The following RUNX1 variants were observed in gnomAD, a reference collection of about 807,000 sequenced individuals.
RUNX1 encodes the protein runt-related transcription factor 1.
A neutral mutation model predicts 42.8 loss-of-function variants in RUNX1; 19 were observed. That is an observed-to-expected ratio of 0.44 (90% CI 0.31 to 0.65). The LOEUF (loss-of-function observed/expected upper bound fraction) is 0.65. RUNX1 is among the 30% of genes least tolerant of loss of function. The pLI is 0.07. For missense variants in RUNX1, 528 were observed against 672.0 expected, an observed-to-expected ratio of 0.79 and a Z score of 2.37; for synonymous variants, 271 against 289.4, an observed-to-expected ratio of 0.94 and a Z score of 0.64.
intron 2 of RUNX1, among the ~76,000 whole-genome samples, chr21:34,994,952 C>T (rs961502636): frequency 3.3e-5 from 5 of 152,236 alleles, no homozygotes; most frequent in African/African-American, 9.6e-5. Context: ...AACGCCATTG[C>T]AGGCAAGTGT....
intron 7 of RUNX1, chr21:34,832,881 C>G (rs1050704216): frequency 4.6e-5 from 7 of 152,126 alleles, no homozygotes; most frequent in South Asian, 2.1e-4. Context: ...GGCAGCCCCC[C>G]AAAACATCAA....
In RUNX1 at chr21:35,018,366, A is replaced by C. The variant is rs537722505; in HGVS notation, c.58+30476T>G. On this transcript the variant is annotated intron_variant, in intron 2 of 8. Coordinates refer to ENST00000675419, the MANE Select transcript of RUNX1 (RefSeq NM_001754.5). ...CAAGGCCCAGCCCCTAGTATCTCAA[A>C]AGGTGAACCTGGAACAGATCCTTCC... Among the ~76,000 whole-genome samples the C allele has an allele frequency of 9.5e-4, 145 of 152,234 alleles. 1 individual carries two copies. The South Asian group carries it at 0.029, about 30-fold the overall frequency.
chr21:34,999,278 C>T (rs928533742), intron 2 of RUNX1, among the ~76,000 whole-genome samples: 22 of 152,208 alleles, frequency 1.4e-4, no homozygotes, highest in Non-Finnish European at 7.3e-5. Flanking sequence ...CAGCATAACA[C>T]GTTGTTAGCA....
At chr21:34,863,947 T>C (rs2057618122) in intron 5 of RUNX1, among the ~76,000 whole-genome samples, 1 of 152,156 alleles carries the variant, frequency 6.6e-6, no homozygotes, top group South Asian at 2.1e-4. Context: ...TACAAGGACA[T>C]TTGCTTATTA....
chr21:34,993,755 ACACACACAGGCG>A (rs1269717506), intron 2 of RUNX1, among the ~76,000 whole-genome samples: 2 of 126,850 alleles, frequency 1.6e-5, no homozygotes, highest in African/African-American at 1.0e-4. Context: ...ACACACACAG[ACACACACAGGCG>A]CACACACACA....
intron 7 of RUNX1, among the ~76,000 whole-genome samples, chr21:34,824,917 T>C (rs2056965640): frequency 6.6e-6 from 1 of 152,220 alleles, no homozygotes; most frequent in South Asian, 2.1e-4. Context: ...ACCCAAGCAG[T>C]AGCTTTCTAA....
intron 2 of RUNX1, among the ~76,000 whole-genome samples, chr21:35,023,592 G>T (rs1049246428): frequency 1.3e-5 from 2 of 152,196 alleles, no homozygotes; most frequent in African/African-American, 4.8e-5. Context: ...GGGCAGAGTA[G>T]GGCTTCCCTG....
chr21:34,880,848 G>GTTA, intron 4 of RUNX1, 135 bp from the exon 5 acceptor site: 1 of 891,638 alleles, frequency 1.1e-6, no homozygotes, highest in Non-Finnish European at 1.8e-6. Context: ...GAATAGCAAT[G>GTTA]ATAACTTAAG....
At chr21:34,839,007 C>T (rs935639792) in intron 6 of RUNX1, among the ~76,000 whole-genome samples, 7 of 152,104 alleles carry the variant, frequency 4.6e-5, no homozygotes, top group Non-Finnish European at 7.4e-5. Context: ...TCCAGTGCTA[C>T]GTAACTATGG....
At chr21:34,861,929 A>AG (rs2146250985) in intron 5 of RUNX1, among the ~76,000 whole-genome samples, 1 of 152,216 alleles carries the variant, frequency 6.6e-6, no homozygotes, top group Admixed American at 6.5e-5. Flanking sequence ...GTCTCCCAGA[A>AG]GGTGGGGACC....
intron 2 of RUNX1, among the ~76,000 whole-genome samples, chr21:35,018,495 C>G (rs2059175589): frequency 6.6e-6 from 1 of 152,136 alleles, no homozygotes; most frequent in Non-Finnish European, 1.5e-5. Context: ...GTCCTCCAGT[C>G]GGTGGTACTT....
chr21:35,003,301 G>A (rs968379457), intron 2 of RUNX1, among the ~76,000 whole-genome samples: 1 of 152,198 alleles, frequency 6.6e-6, no homozygotes, highest in Admixed American at 6.5e-5. Flanking sequence ...CTGGGTGAGA[G>A]CAAGTCTCAA....
chr21:34,900,243 G>A (rs981710877), intron 2 of RUNX1, among the ~76,000 whole-genome samples: 5 of 152,162 alleles, frequency 3.3e-5, no homozygotes, highest in Non-Finnish European at 5.9e-5. Context: ...TCAAAAGTCT[G>A]TGTGTATTTT....
chr21:35,030,738 T>C (rs1313365723), intron 2 of RUNX1, among the ~76,000 whole-genome samples: 1 of 151,868 alleles, frequency 6.6e-6, no homozygotes, highest in Non-Finnish European at 1.5e-5. Context: ...GGCTTCAAAA[T>C]AAAAAGCTTT....
chr21:34,950,701 A>C (rs1182178790), intron 2 of RUNX1, among the ~76,000 whole-genome samples: 1 of 152,176 alleles, frequency 6.6e-6, no homozygotes. Context: ...TTGCCACTGC[A>C]CTCCAGCCTG....
Position 34,922,637 on chromosome 21 carries a change from G to T in RUNX1, c.59-29674C>A, listed in dbSNP as rs138396888. 4.5e-3 allele frequency among the ~76,000 whole-genome samples: 692 copies of T among 152,278 alleles called. 4 individuals carry two copies. The highest frequency in any genetic ancestry group is 0.016 in the African/African-American group (656 of 41,548). On this transcript the variant is annotated intron_variant, in intron 2 of 8. Transcript: ENST00000675419. ...CATGGGGGAATTTGGAGAACTGCAAGATGTCCTTACAAGTAGGGTCACCAC... is the reference window on the plus strand; with the variant it reads ...CATGGGGGAATTTGGAGAACTGCAATATGTCCTTACAAGTAGGGTCACCAC...
At chr21:34,842,402 G>A (rs1238476295) in intron 6 of RUNX1, among the ~76,000 whole-genome samples, 1 of 147,034 alleles carries the variant, frequency 6.8e-6, no homozygotes, top group Non-Finnish European at 1.5e-5. Context: ...GACTGAGGCA[G>A]GAGAATCTCT....
At chr21:34,821,422 G>C in intron 7 of RUNX1, 1 of 1,330,882 alleles carries the variant, frequency 7.5e-7, no homozygotes, top group Non-Finnish European at 9.7e-7. Context: ...TGTGCATCAA[G>C]TGATTTCTGC....
intron 2 of RUNX1, among the ~76,000 whole-genome samples, chr21:34,910,623 T>A (rs972575692): frequency 6.6e-6 from 1 of 152,158 alleles, no homozygotes; most frequent in Admixed American, 6.5e-5. Flanking sequence ...CTTCAGATGC[T>A]GGACAGGGTC....
Sources: gnomAD v4.1 joint callset for allele counts (sites outside exome capture counted in the v4.1 genomes callset) on GRCh38, gnomAD v4.1.1 for gene constraint, MANE v1.5 for transcripts, NCBI Gene and HGNC (gene_info 2026-07-23, HGNC 2026-07-21) for gene names.